Variants in NAA15 observed in about 807,000 individuals in gnomAD.
NAA15 encodes the protein N-alpha-acetyltransferase 15, NatA auxiliary subunit.
In NAA15, 34 loss-of-function variants were observed where a neutral mutation model predicts 114.0. The observed-to-expected ratio is 0.30, with a 90% CI of 0.23 to 0.40. NAA15 has a LOEUF of 0.40. Ranked by LOEUF, NAA15 falls within the 10% of genes least tolerant of loss-of-function variation. NAA15 has a pLI of 1.00. For synonymous variants in NAA15, 340 were observed against 338.0 expected (o/e 1.01, Z -0.06); for missense variants, 658 against 1,004.5 (o/e 0.66, Z 4.66).
chr4:139,370,966 C>T (rs56046169), intron 15 of NAA15, among the ~76,000 whole-genome samples: 176 of 152,280 alleles, frequency 1.2e-3, no homozygotes, highest in African/African-American at 4.0e-3. Context: ...AGGCCAAAAT[C>T]TGACCTGCTG....
chr4:139,363,116 A>G (rs1748179928), intron 14 of NAA15, among the ~76,000 whole-genome samples: 1 of 152,240 alleles, frequency 6.6e-6, no homozygotes, highest in African/African-American at 2.4e-5. Context: ...AACTTAGAAG[A>G]AAACACCAGT....
At chr4:139,325,752 C>T (rs1579094255) in intron 1 of NAA15, among the ~76,000 whole-genome samples, 1 of 152,108 alleles carries the variant, frequency 6.6e-6, no homozygotes. Context: ...GGGCTCAAGC[C>T]GTCCTCCCAT....
At chr4:139,308,536 A>G (rs2110827242) in intron 1 of NAA15, among the ~76,000 whole-genome samples, 1 of 152,358 alleles carries the variant, frequency 6.6e-6, no homozygotes, top group South Asian at 2.1e-4. Context: ...ACAAAAAATC[A>G]AAAAATGGAA....
At position 139,310,513 on chromosome 4, in the gene NAA15, C is replaced by G. The variant is rs1188227552; in HGVS notation, c.54+8682C>G. 1.3e-5 allele frequency among the ~76,000 whole-genome samples: 2 copies of G among 151,344 alleles called. 1 individual carries two copies. Among genetic ancestry groups the G allele is most frequent in the Non-Finnish European group, 2.9e-5 (2 of 67,918 alleles). On this transcript the variant is annotated intron_variant, in intron 1 of 19. Coordinates refer to ENST00000296543, the MANE Select transcript of NAA15 (RefSeq NM_057175.5). ...GCTATGTCGTATAAAGGATCATATG[C>G]AAAGGACTGTTCAGAATTTTCTCCC...
At chr4:139,342,655 G>A (rs532477273) in intron 4 of NAA15, among the ~76,000 whole-genome samples, 171 bp from the exon 5 acceptor site, 1 of 151,760 alleles carries the variant, frequency 6.6e-6, no homozygotes, top group Non-Finnish European at 1.5e-5. Context: ...TCACCATGTT[G>A]GCCAGGATGG....
chr4:139,384,216 C>A (rs999144833), intron 17 of NAA15, among the ~76,000 whole-genome samples: 1 of 152,148 alleles, frequency 6.6e-6, no homozygotes, highest in African/African-American at 2.4e-5. Flanking sequence ...ATGGCTCATG[C>A]CTGTAATCCC....
At chr4:139,352,662 C>CTTTTTTTT (rs746490411) in intron 9 of NAA15, among the ~76,000 whole-genome samples, 13 of 103,294 alleles carry the variant, frequency 1.3e-4, no homozygotes, top group Non-Finnish European at 2.2e-4. Context: ...CATAAAATAT[C>CTTTTTTTT]TTTTTTTTTT....
chr4:139,342,503 G>A (rs1225356197), intron 4 of NAA15, among the ~76,000 whole-genome samples: 10 of 135,200 alleles, frequency 7.4e-5, no homozygotes, highest in Non-Finnish European at 1.5e-4. Context: ...TTTTTGAGAC[G>A]GCGTCTTGCT....
chr4:139,383,007 G>A (rs1748795423), intron 17 of NAA15, among the ~76,000 whole-genome samples: 1 of 152,088 alleles, frequency 6.6e-6, no homozygotes, highest in Non-Finnish European at 1.5e-5. Context: ...AGCATATGTT[G>A]CACACAGTAA....
intron 6 of NAA15, among the ~76,000 whole-genome samples, chr4:139,345,195 T>C (rs1747541244): frequency 6.6e-6 from 1 of 152,210 alleles, no homozygotes; most frequent in South Asian, 2.1e-4. Context: ...ATAATGGTAC[T>C]GATAAGAAAA....
intron 11 of NAA15, among the ~76,000 whole-genome samples, chr4:139,359,294 T>G: frequency 6.6e-6 from 1 of 152,044 alleles, no homozygotes; most frequent in South Asian, 2.1e-4. Context: ...ACCCTTGGTT[T>G]ACTTTGTATT....
intron 6 of NAA15, 47 bp from the exon 7 acceptor site, chr4:139,349,415 A>G: frequency 6.9e-7 from 1 of 1,451,636 alleles, no homozygotes; most frequent in East Asian, 2.5e-5. Flanking sequence ...TCTAATTGGA[A>G]GGTTTTCTCA....
intron 4 of NAA15, among the ~76,000 whole-genome samples, chr4:139,341,612 A>G (rs1222650178): frequency 6.6e-6 from 1 of 150,722 alleles, no homozygotes; most frequent in East Asian, 1.9e-4. Flanking sequence ...AAAAAAAAAA[A>G]AAAAAAAGAA....
chr4:139,318,272 G>A (rs1024357468), intron 1 of NAA15: 1 of 151,708 alleles, frequency 6.6e-6, no homozygotes, highest in African/African-American at 2.4e-5. Flanking sequence ...AAATACTAAC[G>A]CCAAAATTTT....
intron 17 of NAA15, among the ~76,000 whole-genome samples, chr4:139,379,906 A>T (rs1272899192): frequency 6.6e-6 from 1 of 152,118 alleles, no homozygotes; most frequent in Admixed American, 6.6e-5. Context: ...TTAGCCGGCC[A>T]TGGTGGCACA....
At chr4:139,308,128 A>G (rs1746087138) in intron 1 of NAA15, among the ~76,000 whole-genome samples, 1 of 151,618 alleles carries the variant, frequency 6.6e-6, no homozygotes, top group African/African-American at 2.4e-5. Flanking sequence ...CACCCAGCTA[A>G]TTTTTTGTAT....
chr4:139,349,849 G>T (rs1438929357), intron 7 of NAA15, among the ~76,000 whole-genome samples: 1 of 152,026 alleles, frequency 6.6e-6, no homozygotes, highest in East Asian at 1.9e-4. Context: ...GCCTGGCATG[G>T]TGATGTGTGC....
rs111574999 is a variant in NAA15, at chr4:139,346,553, A to ATT, written c.691+2214_691+2215insTT. ...AATGGGCACAGTTAGGCAAAAAAAA[A>ATT]ATTTTTTTTTTTTTGAGATGGAGTT... On this transcript the variant is annotated intron_variant, in intron 6 of 19. Coordinates refer to ENST00000296543, the MANE Select transcript of NAA15 (RefSeq NM_057175.5). Among the ~76,000 whole-genome samples, 463 of 150,818 alleles carry ATT rather than the reference A, an allele frequency of 3.1e-3. 4 individuals are homozygous for ATT. The highest frequency in any genetic ancestry group is 0.01 in the African/African-American group (415 of 40,848).
At chr4:139,358,570 C>CT (rs1029575233) in intron 11 of NAA15, among the ~76,000 whole-genome samples, 3 of 151,744 alleles carry the variant, frequency 2.0e-5, no homozygotes, top group East Asian at 1.9e-4. Context: ...AAAAATTATA[C>CT]TTTAAGTTCT....
Sources: allele counts gnomAD v4.1 joint callset (sites outside exome capture counted in the v4.1 genomes callset), GRCh38; gene constraint gnomAD v4.1.1; transcripts MANE v1.5; gene names NCBI Gene and HGNC (gene_info 2026-07-23, HGNC 2026-07-21).